The following SOX5 variants were observed in gnomAD, a reference collection of about 807,000 sequenced individuals.
The protein encoded by SOX5 is SRY-box transcription factor 5.
Under a neutral mutation model 92.0 loss-of-function variants are expected in SOX5, and 9 were observed. The ratio of observed to expected loss-of-function variants is 0.10; its 90% CI spans 0.06 to 0.17. SOX5 has a LOEUF of 0.17. Among genes scored for constraint, SOX5 ranks in the 10% least tolerant of loss-of-function variants. The probability of loss-of-function intolerance (pLI) is 1.00; values close to 1 mark genes in which losing one functional copy is unlikely to be tolerated. For synonymous variants in SOX5, 344 were observed against 336.3 expected (o/e 1.02, Z -0.25); for missense variants, 642 against 944.5 (o/e 0.68, Z 4.20).
At chr12:24,323,819 A>G (rs931681755) in intron 2 of SOX5, among the ~76,000 whole-genome samples, 3 of 152,180 alleles carry the variant, frequency 2.0e-5, no homozygotes, top group African/African-American at 7.2e-5. Context: ...GGCAGGGGAG[A>G]CCAATAAAGT....
chr12:23,684,952 C>T (rs1475171898), intron 6 of SOX5, among the ~76,000 whole-genome samples: 2 of 152,056 alleles, frequency 1.3e-5, no homozygotes, highest in African/African-American at 2.4e-5. Context: ...GAGCATATTG[C>T]TATAAAAATA....
chr12:23,882,372 T>TA (rs562876910), intron 2 of SOX5, among the ~76,000 whole-genome samples: 4,568 of 142,440 alleles, frequency 0.032, 147 homozygotes, highest in African/African-American at 0.087. Context: ...GCGGATATAC[T>TA]AAAAAAAAAA....
intron 4 of SOX5, among the ~76,000 whole-genome samples, chr12:24,047,679 C>G (rs1438492735): frequency 6.6e-6 from 1 of 152,152 alleles, no homozygotes; most frequent in Non-Finnish European, 1.5e-5. Context: ...ATGCAAATAC[C>G]TCGGCTTTAC....
chr12:23,770,886 G>A (rs1418741073), intron 3 of SOX5, among the ~76,000 whole-genome samples: 3 of 152,318 alleles, frequency 2.0e-5, no homozygotes, highest in Non-Finnish European at 2.9e-5. Flanking sequence ...TTTGGGCAGA[G>A]AAGGTGGGGT....
intron 4 of SOX5, among the ~76,000 whole-genome samples, chr12:24,132,299 A>C (rs78827515): frequency 0.022 from 3,287 of 152,306 alleles, 78 homozygotes; most frequent in African/African-American, 0.055. Flanking sequence ...TAAGTAAATC[A>C]TTCGAACACC....
intron 1 of SOX5, among the ~76,000 whole-genome samples, chr12:24,465,889 G>A (rs1004392991): frequency 1.3e-5 from 2 of 152,124 alleles, no homozygotes; most frequent in African/African-American, 4.8e-5. Context: ...TTGCAGACAC[G>A]AGGGCTGTCA....
intron 2 of SOX5, among the ~76,000 whole-genome samples, chr12:23,872,213 C>T (rs1400339187): frequency 3.8e-5 from 5 of 133,010 alleles, no homozygotes; most frequent in South Asian, 2.4e-4. Context: ...GGGGTTTCAC[C>T]GTGTTAGCCA....
intron 8 of SOX5, 38 bp from the exon 9 acceptor site, chr12:23,604,571 G>T: frequency 1.3e-6 from 2 of 1,589,556 alleles, no homozygotes; most frequent in Non-Finnish European, 1.7e-6. Context: ...AAAGAATACT[G>T]TGAATAATAA....
At chr12:23,712,091 ATT>A (rs2092108678) in intron 6 of SOX5, among the ~76,000 whole-genome samples, 1 of 152,160 alleles carries the variant, frequency 6.6e-6, no homozygotes, top group African/African-American at 2.4e-5. Context: ...GAATCGTGCT[ATT>A]TTCACTGCAC....
intron 4 of SOX5, among the ~76,000 whole-genome samples, chr12:24,017,905 G>T (rs148998201): frequency 6.6e-6 from 1 of 152,090 alleles, no homozygotes; most frequent in African/African-American, 2.4e-5. Flanking sequence ...GGAAAGATGC[G>T]TTGTCAGGGG....
chr12:23,995,718 C>G (rs1387795683), intron 4 of SOX5, among the ~76,000 whole-genome samples: 1 of 152,032 alleles, frequency 6.6e-6, no homozygotes, highest in Non-Finnish European at 1.5e-5. Flanking sequence ...TTTTTTGAGT[C>G]CTAAAAGGGA....
intron 4 of SOX5, among the ~76,000 whole-genome samples, chr12:24,045,892 T>C (rs117339751): frequency 0.011 from 1,211 of 113,096 alleles, 9 homozygotes; most frequent in Non-Finnish European, 0.02. Flanking sequence ...CATGTTTTGG[T>C]TTATTCCATA....
At chr12:23,553,900 A>G (rs887989317) in intron 11 of SOX5, among the ~76,000 whole-genome samples, 1 of 152,138 alleles carries the variant, frequency 6.6e-6, no homozygotes, top group African/African-American at 2.4e-5. Flanking sequence ...TAAAAGCTAT[A>G]AAACTGGCAG....
At chr12:23,919,361 G>A (rs1595647722) in intron 1 of SOX5, among the ~76,000 whole-genome samples, 3 of 152,204 alleles carry the variant, frequency 2.0e-5, no homozygotes, top group African/African-American at 7.2e-5. Context: ...CCCATAGCCA[G>A]TACATAAGTT....
chr12:23,981,297 GCTT>G, intron 4 of SOX5, among the ~76,000 whole-genome samples: 1 of 152,206 alleles, frequency 6.6e-6, no homozygotes, highest in Admixed American at 6.5e-5. Context: ...TTACAGAATT[GCTT>G]AGTCTTTCCA....
Position 23,600,538 on chromosome 12 carries a change from TATATATATATATATACAC to T in SOX5, c.1164+3831_1164+3848del, listed in dbSNP as rs1372904078. 1.2e-4 allele frequency among the ~76,000 whole-genome samples: 15 copies of T among 121,584 alleles called. 1 individual carries two copies. The highest frequency in any genetic ancestry group is 3.3e-4 in the African/African-American group (11 of 33,776). The allele number at this position is 121,584 out of a possible 152,430, so 79.8% of individuals were successfully genotyped here. ...GGGGGGGTGCATATATATATATATA[TATATATATATATATACAC>T]ATACTTGGCTTGGGACTAAAAAAAC... On this transcript the variant is annotated intron_variant, in intron 9 of 14. Transcript: ENST00000451604.
intron 4 of SOX5, among the ~76,000 whole-genome samples, chr12:23,970,690 G>A (rs1198687877): frequency 1.3e-5 from 2 of 149,576 alleles, no homozygotes; most frequent in African/African-American, 4.9e-5. Context: ...TTCATGTGTT[G>A]ATAAACACTT....
At position 23,604,432 on chromosome 12, in the gene SOX5, G is replaced by A; in HGVS notation, c.1119C>T (p.Ser373=). Reference sequence around the variant, plus strand: ...TGTTTGTGCTCTTGTCTGTGTGAATGCTGGTAGGAGATACAGCAGCACCAA... The same window carrying A: ...TGTTTGTGCTCTTGTCTGTGTGAATACTGGTAGGAGATACAGCAGCACCAA... ...GNLGAAVSPT[S]IHTDKSTNSP... The change falls in exon 9 of 15, where the codon AGC becomes AGT. Residue 373 remains serine (S), a synonymous_variant. Transcript: ENST00000451604. The A allele has an allele frequency of 6.2e-7, 1 of 1,613,828 alleles. No individual in the cohort carries two copies. The highest frequency in any genetic ancestry group is 8.5e-7 in the Non-Finnish European group (1 of 1,179,806).
rs927636704 is a variant in SOX5, at chr12:23,530,259, C to A, written c.*3960G>T. The stretch of plus-strand genomic sequence containing the variant: ...GTTTATTACAATTCAACAATTTACC[C>A]ATTAGAATGAGTGAAAGTGTAATTA... On this transcript the variant is annotated 3_prime_UTR_variant, in exon 15 of 15. Transcript: ENST00000451604. 2.6e-5 allele frequency: 4 copies of A among 152,098 alleles called. No individual in the cohort carries two copies. The highest frequency in any genetic ancestry group is 4.4e-5 in the Non-Finnish European group (3 of 68,014). 9.4% of individuals were successfully genotyped at this position (152,098 alleles called of 1,614,324 possible). A position where few individuals can be genotyped will look rare whatever the true frequency, so the allele number is the denominator to read the frequency against.
Sources: allele counts gnomAD v4.1 joint callset (sites outside exome capture counted in the v4.1 genomes callset), GRCh38; gene constraint gnomAD v4.1.1; transcripts MANE v1.5; gene names NCBI Gene and HGNC (gene_info 2026-07-23, HGNC 2026-07-21).